PDE6A: variants seen among roughly 807,000 people sequenced by gnomAD.
The protein encoded by PDE6A is phosphodiesterase 6A, also known as rod cGMP-specific 3',5'-cyclic phosphodiesterase subunit alpha.
In PDE6A, 84 loss-of-function variants were observed where a neutral mutation model predicts 106.3. The ratio of observed to expected loss-of-function variants is 0.79; its 90% CI spans 0.66 to 0.95. PDE6A has a LOEUF of 0.95. Ranked by LOEUF, PDE6A falls within the 40% of genes least tolerant of loss-of-function variation. The probability of loss-of-function intolerance (pLI) is 0.00; values close to 1 mark genes in which losing one functional copy is unlikely to be tolerated. For synonymous variants in PDE6A, 394 were observed against 386.6 expected (o/e 1.02, Z -0.23); for missense variants, 1,052 against 1,084.9 (o/e 0.97, Z 0.43).
At chr5:149,877,541 C>G (rs540636226) in intron 17 of PDE6A, among the ~76,000 whole-genome samples, 1 of 152,272 alleles carries the variant, frequency 6.6e-6, no homozygotes, top group South Asian at 2.1e-4. Flanking sequence ...TCCCGAGTAG[C>G]TGGGATTACA....
chr5:149,884,568 G>T lies in PDE6A; in HGVS notation c.1938C>A (p.Ile646=). ...GCTGTCGACGATTGAGGTTTTGAAA[G>T]ATATTCAGGCTCTAAAGAAAAAAAG... The part of the protein sequence containing the change: ...KTLLRDESLN[I]FQNLNRRQHE... The change falls in exon 16 of 22, where the codon ATC becomes ATA. Residue 646 remains isoleucine, a synonymous_variant. Transcript: ENST00000255266. The T allele has an allele frequency of 6.2e-7, 1 of 1,613,218 alleles. No homozygotes were observed. Among genetic ancestry groups the T allele is most frequent in the East Asian group, 2.2e-5 (1 of 44,860 alleles).
chr5:149,943,053 G>C (rs1561794209), intron 1 of PDE6A, among the ~76,000 whole-genome samples: 1 of 151,822 alleles, frequency 6.6e-6, no homozygotes, highest in Non-Finnish European at 1.5e-5. Context: ...ACGGGTGTTG[G>C]GCTGGGGGAT....
intron 5 of PDE6A, among the ~76,000 whole-genome samples, chr5:149,920,942 A>AAAAGAAAGAGAG (rs1554091217): frequency 9.2e-6 from 1 of 108,282 alleles, no homozygotes; most frequent in African/African-American, 4.1e-5. Context: ...GAAAGAGAGA[A>AAAAGAAAGAGAG]AAAGAAAGAA....
intron 1 of PDE6A, 35 bp downstream of exon 1, chr5:149,944,165 G>T: frequency 6.5e-7 from 1 of 1,532,010 alleles, no homozygotes. Context: ...ATGTAATAAT[G>T]CCCCATGCCC....
chr5:149,864,734 T>C (rs913218100), intron 20 of PDE6A, among the ~76,000 whole-genome samples: 2 of 152,194 alleles, frequency 1.3e-5, no homozygotes, highest in Non-Finnish European at 2.9e-5. Context: ...CACGGCCCGC[T>C]GTGAAGTGCC....
At chr5:149,937,663 C>T (rs1169457712) in intron 1 of PDE6A, among the ~76,000 whole-genome samples, 1 of 152,200 alleles carries the variant, frequency 6.6e-6, no homozygotes. Flanking sequence ...CAGGTGTCAG[C>T]CTGCACCTGG....
At chr5:149,914,796 C>G in intron 6 of PDE6A, 147 bp downstream of exon 6, 1 of 691,134 alleles carries the variant, frequency 1.4e-6, no homozygotes, top group Non-Finnish European at 2.6e-6. Flanking sequence ...TTTCTTCAGT[C>G]CTTCTCTGTC....
At chr5:149,896,323 A>G in intron 12 of PDE6A, 33 bp downstream of exon 12, 1 of 1,563,342 alleles carries the variant, frequency 6.4e-7, no homozygotes, top group Non-Finnish European at 8.8e-7. Context: ...GAAAATTAAA[A>G]AGGGAAATCA....
chr5:149,863,031 T>A lies in PDE6A; in HGVS notation c.2506+88A>T. The stretch of plus-strand genomic sequence containing the variant: ...GGCCATCAGGAGGCCTGAATGAGAC[T>A]CCGTGTAAGAGTCTCTGAGGCAGGA... On this transcript the variant is annotated intron_variant, in intron 21 of 21. Transcript: ENST00000255266. This position sits in a 1 kb window ranked among gnomAD's most constrained non-coding sequence, Gnocchi z 4.7. The A allele has an allele frequency of 6.5e-7, 1 of 1,527,366 alleles. No homozygotes were observed. Among genetic ancestry groups the A allele is most frequent in the South Asian group, 1.1e-5 (1 of 89,118 alleles). 94.6% of individuals were successfully genotyped at this position (1,527,366 alleles called of 1,614,324 possible).
intron 5 of PDE6A, among the ~76,000 whole-genome samples, chr5:149,920,962 G>GAAAGAAAGAAAGAAAGAAAGAA (rs1561769271): frequency 8.0e-6 from 1 of 124,812 alleles, no homozygotes; most frequent in Non-Finnish European, 1.5e-5. Context: ...AAGAAAGAAA[G>GAAAGAAAGAAAGAAAGAAAGAA]AAAGAAAGAA....
intron 6 of PDE6A, among the ~76,000 whole-genome samples, chr5:149,909,382 T>C (rs1753302774): frequency 6.6e-6 from 1 of 152,234 alleles, no homozygotes; most frequent in African/African-American, 2.4e-5. Flanking sequence ...TTGAGCTGGC[T>C]ATGTTCCTTG....
rs567605495 is a variant in PDE6A, at chr5:149,921,599, T to C, written c.933+36A>G. 56 of 1,523,686 alleles carry C rather than the reference T, an allele frequency of 3.7e-5. No individual in the cohort carries two copies. In the African/African-American group the frequency reaches 7.1e-4, roughly 19 times the overall value. 94.4% of individuals were successfully genotyped at this position (1,523,686 alleles called of 1,614,324 possible). A position where few individuals can be genotyped will look rare whatever the true frequency, so the allele number is the denominator to read the frequency against. On this transcript the variant is annotated intron_variant, in intron 5 of 21. Coordinates refer to ENST00000255266, the MANE Select transcript of PDE6A (RefSeq NM_000440.3). ...GTTTACTGTGCCTTGCATTTGAATA[T>C]ATTAAATCATACTGAAAAGGTCAGA...
At chr5:149,906,518 T>TGAAAAAAAAAAAAAAAAAA (rs1753187436) in intron 7 of PDE6A, among the ~76,000 whole-genome samples, 1 of 10,266 alleles carries the variant, frequency 9.7e-5, no homozygotes, top group African/African-American at 7.2e-4. Flanking sequence ...AGAGACACTG[T>TGAAAAAAAAAAAAAAAAAA]CAAAAAAAAA....
At chr5:149,912,380 C>T (rs1753415700) in intron 6 of PDE6A, among the ~76,000 whole-genome samples, 1 of 152,178 alleles carries the variant, frequency 6.6e-6, no homozygotes, top group Non-Finnish European at 1.5e-5. Flanking sequence ...ATGGCATATA[C>T]TGTGACAGCC....
intron 6 of PDE6A, 81 bp from the exon 7 acceptor site, chr5:149,907,459 C>T (rs1753234871): frequency 6.2e-6 from 7 of 1,128,214 alleles, no homozygotes; most frequent in Non-Finnish European, 9.4e-6. Context: ...GTTTGCGCTC[C>T]CCCTGCTCTC....
rs548506962 is a variant in PDE6A at position 149,910,467 on chromosome 5, A to T, written c.999-3089T>A. On this transcript the variant is annotated intron_variant, in intron 6 of 21. Coordinates refer to ENST00000255266, the MANE Select transcript of PDE6A (RefSeq NM_000440.3). ...TGTAATTTTTACTTTATTCAGATCA[A>T]CATTGCTCTTTTAGCATTTATACAC... 2.7e-3 allele frequency among the ~76,000 whole-genome samples: 405 copies of T among 152,356 alleles called. 4 individuals are homozygous for T. The highest frequency in any genetic ancestry group is 0.01 in the Middle Eastern group (3 of 294).
chr5:149,860,652 G>T lies in PDE6A; in HGVS notation c.*243C>A, dbSNP rs1581141565. ...ACATTATGAAATTTTTTTTTTTGGC[G>T]ATTTTTTTTTTTAAGTTCAACAGCT... On this transcript the variant is annotated 3_prime_UTR_variant, in exon 22 of 22. Coordinates refer to ENST00000255266, the MANE Select transcript of PDE6A (RefSeq NM_000440.3). 2 of 353,766 alleles carry T rather than the reference G, an allele frequency of 5.7e-6. No individual in the cohort carries two copies. The highest frequency in any genetic ancestry group is 8.4e-5 in the East Asian group (2 of 23,796). The allele number at this position is 353,766 out of a possible 1,614,324, so 21.9% of individuals were successfully genotyped here.
intron 4 of PDE6A, among the ~76,000 whole-genome samples, chr5:149,922,214 A>T (rs1753743705): frequency 6.6e-6 from 1 of 152,146 alleles, no homozygotes; most frequent in African/African-American, 2.4e-5. Flanking sequence ...ATAAGTGACA[A>T]ATGTGAGAGG....
intron 8 of PDE6A, among the ~76,000 whole-genome samples, chr5:149,901,043 G>A (rs151821): frequency 0.42 from 64,123 of 151,844 alleles, 15,654 homozygotes; most frequent in Non-Finnish European, 0.56. Context: ...AGCCTCCCAA[G>A]TAGCTGGGAT....
Sources: gnomAD v4.1 joint callset for allele counts (sites outside exome capture counted in the v4.1 genomes callset) on GRCh38, gnomAD v4.1.1 for gene constraint, Gnocchi (gnomAD v3.1) non-coding constraint, MANE v1.5 for transcripts, NCBI Gene and HGNC (gene_info 2026-07-23, HGNC 2026-07-21) for gene names.